The following MATN2 variants were observed in gnomAD, a reference collection of about 807,000 sequenced individuals.
MATN2 encodes matrilin 2.
A neutral mutation model predicts 103.2 loss-of-function variants in MATN2; 69 were observed. That is an observed-to-expected ratio of 0.67 (90% CI 0.55 to 0.82). MATN2 has a LOEUF of 0.82. Ranked by LOEUF, MATN2 falls within the 40% of genes least tolerant of loss-of-function variation. The pLI is 0.00. For missense variants in MATN2, 1,023 were observed against 1,211.5 expected, an observed-to-expected ratio of 0.84 and a Z score of 2.31; for synonymous variants, 429 against 450.2, an observed-to-expected ratio of 0.95 and a Z score of 0.60.
intron 13 of MATN2, among the ~76,000 whole-genome samples, chr8:98,024,027 C>T (rs991349417): frequency 1.3e-5 from 2 of 152,062 alleles, no homozygotes; most frequent in African/African-American, 2.4e-5. Context: ...ACAACACACA[C>T]CGGGGCCTGT....
At chr8:97,910,728 C>T (rs74430011) in intron 2 of MATN2, among the ~76,000 whole-genome samples, 1 of 152,154 alleles carries the variant, frequency 6.6e-6, no homozygotes, top group Non-Finnish European at 1.5e-5. Flanking sequence ...AGAGTCCCTA[C>T]ATTCAAATCA....
intron 14 of MATN2, 82 bp downstream of exon 14, chr8:98,027,911 G>C: frequency 1.4e-6 from 2 of 1,415,656 alleles, no homozygotes; most frequent in Middle Eastern, 2.1e-4. Flanking sequence ...CTGGCCATAA[G>C]GGTAAGCTTC....
intron 4 of MATN2, 41 bp from the exon 5 acceptor site, chr8:97,961,367 T>A (rs747593763): frequency 6.4e-7 from 1 of 1,561,574 alleles, no homozygotes; most frequent in Non-Finnish European, 8.7e-7. Flanking sequence ...CATTCTCAGG[T>A]GTGCCTGACG....
At chr8:98,000,650 A>C (rs1812752779) in intron 7 of MATN2, among the ~76,000 whole-genome samples, 1 of 152,088 alleles carries the variant, frequency 6.6e-6, no homozygotes, top group South Asian at 2.1e-4. Context: ...GCAGGGTCAA[A>C]TGAAGTTATG....
intron 2 of MATN2, among the ~76,000 whole-genome samples, chr8:97,924,554 C>G (rs769472669): frequency 1.8e-4 from 27 of 152,274 alleles, no homozygotes; most frequent in Middle Eastern, 6.8e-3. Context: ...GGTGACCTCT[C>G]TCTTTCCGTC....
At chr8:97,904,026 C>T (rs1819080944) in intron 2 of MATN2, among the ~76,000 whole-genome samples, 1 of 152,166 alleles carries the variant, frequency 6.6e-6, no homozygotes, top group African/African-American at 2.4e-5. Flanking sequence ...TAATACCTTA[C>T]TAGAATTATT....
chr8:98,026,414 C>T (rs920840114), intron 13 of MATN2, among the ~76,000 whole-genome samples: 4 of 152,028 alleles, frequency 2.6e-5, no homozygotes, highest in African/African-American at 9.7e-5. Flanking sequence ...CATGCACTAC[C>T]ATGCCCAGCT....
At chr8:97,925,053 C>T (rs1466895576) in intron 2 of MATN2, among the ~76,000 whole-genome samples, 1 of 152,116 alleles carries the variant, frequency 6.6e-6, no homozygotes, top group East Asian at 1.9e-4. Context: ...AATCGGGCAG[C>T]ACCCAGAATC....
chr8:97,929,313 C>T (rs1810102007), intron 2 of MATN2, among the ~76,000 whole-genome samples: 1 of 152,222 alleles, frequency 6.6e-6, no homozygotes, highest in Non-Finnish European at 1.5e-5. Context: ...GGCTTTCTCT[C>T]TCTTTCTTGC....
intron 13 of MATN2, among the ~76,000 whole-genome samples, chr8:98,023,239 A>G (rs1813665919): frequency 6.6e-6 from 1 of 152,234 alleles, no homozygotes; most frequent in Non-Finnish European, 1.5e-5. Flanking sequence ...CCAGGGTGAC[A>G]GAGCAAGGCT....
chr8:97,959,117 C>A (rs1453222711), intron 4 of MATN2, among the ~76,000 whole-genome samples: 1 of 152,190 alleles, frequency 6.6e-6, no homozygotes, highest in Admixed American at 6.5e-5. Flanking sequence ...TCATGTCCTA[C>A]CTCGCATGTT....
chr8:97,897,882 C>A (rs1385409923), intron 2 of MATN2, among the ~76,000 whole-genome samples: 1 of 152,200 alleles, frequency 6.6e-6, no homozygotes, highest in African/African-American at 2.4e-5. Context: ...AGCACAGCGT[C>A]TGACCTCCAA....
intron 6 of MATN2, among the ~76,000 whole-genome samples, chr8:97,981,017 A>G (rs190652810): frequency 2.4e-3 from 356 of 149,356 alleles, no homozygotes; most frequent in Middle Eastern, 0.014. Context: ...TTCTACAAAA[A>G]CTGTTTTTTT....
intron 4 of MATN2, among the ~76,000 whole-genome samples, chr8:97,955,836 G>T (rs1396280738): frequency 6.6e-6 from 1 of 152,198 alleles, no homozygotes; most frequent in Non-Finnish European, 1.5e-5. Flanking sequence ...CAAGGACAAA[G>T]TGCCAGGCAC....
intron 3 of MATN2, among the ~76,000 whole-genome samples, chr8:97,940,370 C>G (rs1375260256): frequency 6.6e-6 from 1 of 151,944 alleles, no homozygotes; most frequent in East Asian, 1.9e-4. Context: ...TTTGTTTCAC[C>G]CTGAAGTAAA....
At chr8:97,897,932 A>G (rs185480321) in intron 2 of MATN2, among the ~76,000 whole-genome samples, 37 of 152,332 alleles carry the variant, frequency 2.4e-4, no homozygotes, top group Non-Finnish European at 1.0e-4. Flanking sequence ...CAATGAATAT[A>G]TAACCTGATT....
intron 2 of MATN2, among the ~76,000 whole-genome samples, chr8:97,913,344 T>G (rs570966984): frequency 6.6e-6 from 1 of 151,340 alleles, no homozygotes; most frequent in South Asian, 2.1e-4. Flanking sequence ...AGATGGAGTC[T>G]TGCTTTGTTG....
chr8:97,943,567 G>A lies in MATN2; in HGVS notation c.835+1668G>A, dbSNP rs370833907. Among the ~76,000 whole-genome samples, 21 of 152,084 alleles carry A rather than the reference G, an allele frequency of 1.4e-4. No homozygotes were observed. In the East Asian group the frequency reaches 2.1e-3, roughly 15 times the overall value. The stretch of plus-strand genomic sequence containing the variant: ...TGGCTCACTGTACCCTCAACCTTCC[G>A]GGTTCAAGCAGTCCTCCCACCTCAG... On this transcript the variant is annotated intron_variant, in intron 4 of 18. Coordinates refer to ENST00000254898, the MANE Select transcript of MATN2 (RefSeq NM_002380.5).
chr8:97,903,322 A>G (rs915793473), intron 2 of MATN2, among the ~76,000 whole-genome samples: 2 of 152,204 alleles, frequency 1.3e-5, no homozygotes, highest in African/African-American at 4.8e-5. Flanking sequence ...TGCCAGGGTA[A>G]AGATAAGTTT....
Sources: allele counts gnomAD v4.1 joint callset (sites outside exome capture counted in the v4.1 genomes callset), GRCh38; gene constraint gnomAD v4.1.1; transcripts MANE v1.5; gene names NCBI Gene and HGNC (gene_info 2026-07-23, HGNC 2026-07-21).